Variants in MEMO1 observed in about 807,000 individuals in gnomAD.
The protein encoded by MEMO1 is protein MEMO1.
MEMO1 carries 6 observed loss-of-function variants against 45.2 expected under a neutral mutation model. The observed-to-expected ratio is 0.13, with a 90% CI of 0.07 to 0.26. MEMO1 has a LOEUF of 0.26. Among genes scored for constraint, MEMO1 ranks in the 10% least tolerant of loss-of-function variants. The pLI is 1.00. For missense variants in MEMO1, 184 were observed against 370.5 expected, an observed-to-expected ratio of 0.50 and a Z score of 4.13; for synonymous variants, 78 against 124.3, an observed-to-expected ratio of 0.63 and a Z score of 2.48.
chr2:31,954,194 T>C (rs1230974857), intron 2 of MEMO1, among the ~76,000 whole-genome samples: 1 of 152,180 alleles, frequency 6.6e-6, no homozygotes, highest in Non-Finnish European at 1.5e-5. Flanking sequence ...TGCACTATGG[T>C]GTTATTTTAA....
chr2:31,995,386 G>A (rs1338869258), intron 2 of MEMO1, among the ~76,000 whole-genome samples: 1 of 152,104 alleles, frequency 6.6e-6, no homozygotes, highest in African/African-American at 2.4e-5. Context: ...CCTGGGAGGT[G>A]GAGGTTGCAG....
intron 2 of MEMO1, among the ~76,000 whole-genome samples, chr2:31,983,453 G>A (rs763415906): frequency 6.6e-6 from 1 of 151,858 alleles, no homozygotes; most frequent in Non-Finnish European, 1.5e-5. Context: ...TTGTTTTTGA[G>A]ACAGAGTTTC....
intron 2 of MEMO1, among the ~76,000 whole-genome samples, chr2:31,974,029 T>C (rs556796930): frequency 1.3e-5 from 2 of 152,268 alleles, no homozygotes; most frequent in African/African-American, 4.8e-5. Flanking sequence ...TTATAGGAGT[T>C]CATAAGTGTG....
intron 4 of MEMO1, among the ~76,000 whole-genome samples, chr2:31,926,845 T>C (rs1245180337): frequency 2.7e-5 from 4 of 148,744 alleles, no homozygotes; most frequent in Admixed American, 6.7e-5. Flanking sequence ...AAACTCTGCC[T>C]CAAAAAAAAA....
intron 2 of MEMO1, among the ~76,000 whole-genome samples, chr2:32,002,011 T>C (rs1243995941): frequency 6.6e-6 from 1 of 151,452 alleles, no homozygotes; most frequent in Non-Finnish European, 1.5e-5. Context: ...CCGAGTGTGG[T>C]GGCACATGCC....
chr2:31,963,285 G>C, intron 2 of MEMO1: 2 of 1,517,330 alleles, frequency 1.3e-6, no homozygotes, highest in Non-Finnish European at 1.8e-6. Flanking sequence ...AAGATAAACA[G>C]ATCTACAGAT....
chr2:31,974,877 T>TA (rs1042602473), intron 2 of MEMO1, among the ~76,000 whole-genome samples: 6 of 151,546 alleles, frequency 4.0e-5, no homozygotes, highest in South Asian at 2.1e-4. Context: ...CATGAAAATT[T>TA]AAAAAAAAAT....
chr2:31,975,915 G>C (rs1669952535), intron 2 of MEMO1, among the ~76,000 whole-genome samples: 2 of 151,212 alleles, frequency 1.3e-5, no homozygotes, highest in Admixed American at 6.6e-5. Flanking sequence ...TTGCTTTTTT[G>C]AGACATTCTG....
chr2:31,877,803 T>C lies in MEMO1; in HGVS notation c.657+5583A>G, dbSNP rs190139790. The stretch of plus-strand genomic sequence containing the variant: ...CTGGGCATTTACATTCTTAAATATA[T>C]ATTTATTATAAATTCCTTTTATTTC... On this transcript the variant is annotated intron_variant, in intron 8 of 9. Transcript: ENST00000404530. Among the ~76,000 whole-genome samples, 87 of 152,162 alleles carry C rather than the reference T, an allele frequency of 5.7e-4. 2 individuals are homozygous for C. Among genetic ancestry groups the C allele is most frequent in the Middle Eastern group, 3.2e-3 (1 of 316 alleles).
intron 4 of MEMO1, among the ~76,000 whole-genome samples, chr2:31,928,109 G>C (rs1016351591): frequency 1.3e-5 from 2 of 152,040 alleles, no homozygotes; most frequent in African/African-American, 4.8e-5. Flanking sequence ...CATTTCTCTT[G>C]GAAAACAACA....
chr2:31,955,097 C>A (rs1572798613), intron 2 of MEMO1, among the ~76,000 whole-genome samples: 1 of 151,842 alleles, frequency 6.6e-6, no homozygotes, highest in Admixed American at 6.6e-5. Flanking sequence ...CAAAAATTAG[C>A]CGGGTGTGGT....
chr2:31,956,458 T>C (rs1667423147), intron 2 of MEMO1, among the ~76,000 whole-genome samples: 2 of 152,202 alleles, frequency 1.3e-5, no homozygotes, highest in Admixed American at 1.3e-4. Context: ...CTATTCAGTG[T>C]GATACTGATT....
At position 31,867,987 on chromosome 2, in the gene MEMO1, CA is replaced by C. The variant is rs1353011460; in HGVS notation, c.*373del. 6.5e-6 allele frequency: 1 copy of C among 153,460 alleles called. No individual in the cohort carries two copies. Among genetic ancestry groups the C allele is most frequent in the Non-Finnish European group, 1.5e-5 (1 of 68,834 alleles). 9.5% of individuals were successfully genotyped at this position (153,460 alleles called of 1,614,324 possible). On this transcript the variant is annotated 3_prime_UTR_variant, in exon 10 of 10. Transcript: ENST00000404530. ...TTCCACCTTTTTGTTTGTTTGTGTA[CA>C]ATTTGCAAAACTATTCTGAAAGCGG... is the stretch of plus-strand genomic sequence containing the variant.
intron 2 of MEMO1, among the ~76,000 whole-genome samples, chr2:31,976,959 A>C (rs1670074032): frequency 6.6e-6 from 1 of 152,204 alleles, no homozygotes; most frequent in South Asian, 2.1e-4. Context: ...AAGCACCAGC[A>C]ACAGCCGTTT....
chr2:31,920,839 A>G lies in MEMO1; in HGVS notation c.284T>C (p.Ile95Thr), dbSNP rs772203123. 1 of 1,611,676 alleles carries G rather than the reference A, an allele frequency of 6.2e-7. No homozygotes were observed. Among genetic ancestry groups the G allele is most frequent in the Non-Finnish European group, 8.5e-7 (1 of 1,179,088 alleles). The change falls in exon 5 of 10, where the codon ATA becomes ACA. Residue 95 changes from isoleucine (I) to threonine (T), a missense_variant. Physicochemically the swap from Ile to Thr is moderately conservative, Grantham distance 89. Around this residue, in one of 3 missense-constraint regions of MEMO1, gnomAD observed 60 missense variants for 79.2 expected, o/e 0.76. Coordinates refer to ENST00000404530, the MANE Select transcript of MEMO1 (RefSeq NM_001301833.4). ...AAGGTCATACAGAGGTGTCCTATAT[A>G]TATCCACACTGGAAAGTGCACATCG... ...LSRCALSSVDIYRTPLYDLRI... is the reference protein window; with the variant it reads ...LSRCALSSVDTYRTPLYDLRI...
At chr2:31,894,659 G>A (rs1489863348) in intron 6 of MEMO1, among the ~76,000 whole-genome samples, 1 of 152,158 alleles carries the variant, frequency 6.6e-6, no homozygotes, top group Non-Finnish European at 1.5e-5. Context: ...CGTATGCACA[G>A]GGGAAGCTGG....
At chr2:31,919,095 C>T (rs1269629535) in intron 5 of MEMO1, among the ~76,000 whole-genome samples, 1 of 151,598 alleles carries the variant, frequency 6.6e-6, no homozygotes, top group Non-Finnish European at 1.5e-5. Flanking sequence ...TTTTTTCTTG[C>T]AAATGGACTC....
intron 8 of MEMO1, among the ~76,000 whole-genome samples, chr2:31,882,629 A>G (rs1208317145): frequency 6.6e-6 from 1 of 152,194 alleles, no homozygotes; most frequent in East Asian, 1.9e-4. Context: ...TGAAATTTTA[A>G]ATTTTAAAAT....
At chr2:31,897,005 C>T (rs1677932752) in intron 6 of MEMO1, among the ~76,000 whole-genome samples, 1 of 152,162 alleles carries the variant, frequency 6.6e-6, no homozygotes, top group Non-Finnish European at 1.5e-5. Flanking sequence ...TGGGAGTTCA[C>T]TCATGATTTG....
Sources: allele counts gnomAD v4.1 joint callset (sites outside exome capture counted in the v4.1 genomes callset), GRCh38; gene constraint gnomAD v4.1.1; regional missense constraint gnomAD v4.1.1; transcripts MANE v1.5; gene names NCBI Gene and HGNC (gene_info 2026-07-23, HGNC 2026-07-21).